Variants in GCN1 observed in about 807,000 individuals in gnomAD.
The protein encoded by GCN1 is GCN1 activator of EIF2AK4.
GCN1 carries 90 observed loss-of-function variants against 288.4 expected under a neutral mutation model. The ratio of observed to expected loss-of-function variants is 0.31; its 90% CI spans 0.26 to 0.37. The LOEUF (loss-of-function observed/expected upper bound fraction) is 0.37. Ranked by LOEUF, GCN1 falls within the 10% of genes least tolerant of loss-of-function variation. The pLI is 1.00. For missense variants in GCN1, 2,586 were observed against 3,419.9 expected, an observed-to-expected ratio of 0.76 and a Z score of 6.08; for synonymous variants, 1,386 against 1,420.2, an observed-to-expected ratio of 0.98 and a Z score of 0.54.
chr12:120,161,456 C>A, intron 22 of GCN1, 34 bp downstream of exon 22: 4 of 1,443,142 alleles, frequency 2.8e-6, no homozygotes, highest in Non-Finnish European at 3.9e-6. Context: ...CCAAGCTCAG[C>A]AGCCACCTTC....
Position 120,142,140 on chromosome 12 carries a change from C to T in GCN1, c.5829+367G>A, listed in dbSNP as rs1173206056. ...AGGAGATCGAGACCGTCCTGGCTAA[C>T]GTGCTGAAACCCCGTCTCTACTAAA... On this transcript the variant is annotated intron_variant, in intron 44 of 57. Coordinates refer to ENST00000300648, the MANE Select transcript of GCN1 (RefSeq NM_006836.2). This position sits in a 1 kb window ranked among gnomAD's most constrained non-coding sequence, Gnocchi z 4.9. Among the ~76,000 whole-genome samples the T allele has an allele frequency of 3.3e-5, 5 of 152,118 alleles. No homozygotes were observed. The highest frequency in any genetic ancestry group is 1.9e-4 in the East Asian group (1 of 5,168).
intron 14 of GCN1, among the ~76,000 whole-genome samples, chr12:120,171,211 A>G (rs939088470): frequency 2.6e-5 from 4 of 152,034 alleles, no homozygotes; most frequent in African/African-American, 9.7e-5. Flanking sequence ...CATGCCTATA[A>G]TCCCAACACT....
chr12:120,150,066 G>A (rs201155453), intron 34 of GCN1, 23 bp from the exon 35 acceptor site: 52 of 1,612,464 alleles, frequency 3.2e-5, no homozygotes, highest in Middle Eastern at 3.6e-4. Flanking sequence ...AAGGTGGGAC[G>A]GCTGGGAAGA....
rs1419624070 is a variant in GCN1, at chr12:120,148,225, C to T, written c.4668G>A (p.Lys1556=). 6.2e-7 allele frequency: 1 copy of T among 1,613,914 alleles called. No homozygotes were observed. The highest frequency in any genetic ancestry group is 8.5e-7 in the Non-Finnish European group (1 of 1,179,918). The part of the protein sequence containing the change: ...VLTDSHVKVQ[K]AGQQALRQIG... The stretch of plus-strand genomic sequence containing the variant: ...TCTGCCTGAGCGCCTGCTGTCCAGC[C>T]TTCTGGACTTTGACATGGGAGTCGG... The change falls in exon 37 of 58, where the codon AAG becomes AAA. Residue 1556 remains lysine (K), a synonymous_variant. Coordinates refer to ENST00000300648, the MANE Select transcript of GCN1 (RefSeq NM_006836.2).
intron 47 of GCN1, 109 bp from the exon 48 acceptor site, chr12:120,138,153 G>T: frequency 9.4e-7 from 1 of 1,063,062 alleles, no homozygotes; most frequent in Non-Finnish European, 1.4e-6. Context: ...TCAGAGCCAA[G>T]CATCTACTCC....
intron 53 of GCN1, among the ~76,000 whole-genome samples, chr12:120,133,795 G>A (rs1299196958): frequency 6.6e-6 from 1 of 152,202 alleles, no homozygotes; most frequent in Non-Finnish European, 1.5e-5. Context: ...CCGGCCGGGC[G>A]CGGTGGCTCA....
At chr12:120,149,099 G>C (rs549991567) in intron 36 of GCN1, among the ~76,000 whole-genome samples, 1 of 151,764 alleles carries the variant, frequency 6.6e-6, no homozygotes, top group Non-Finnish European at 1.5e-5. Context: ...AGCTTTCCTG[G>C]GGGGGGAAAA....
rs1877546272 is a variant in GCN1, at chr12:120,151,345, A to G, written c.4109T>C (p.Ile1370Thr). 1 of 1,613,610 alleles carries G rather than the reference A, an allele frequency of 6.2e-7. No homozygotes were observed. The highest frequency in any genetic ancestry group is 1.3e-5 in the African/African-American group (1 of 74,866). ...ASCLPPLVPAIKEDAGGMIQR... is the reference protein window; with the variant it reads ...ASCLPPLVPATKEDAGGMIQR... ...GATCATCCCTCCAGCATCCTCCTTG[A>G]TGGCTGGCACAAGGGGTGGCAAGCA... is the stretch of plus-strand genomic sequence containing the variant. The change falls in exon 34 of 58, where the codon ATC becomes ACC. Residue 1370 changes from isoleucine to threonine, a missense_variant. Transcript: ENST00000300648.
At position 120,160,008 on chromosome 12, in the gene GCN1, C is replaced by A; in HGVS notation, c.2566G>T (p.Glu856Ter). ...ATGTCCAGCAGTCCAAGCGCCGCCTCCAGCTCCCCATCCAGCTGCAAGCAG... is the reference window on the plus strand; with the variant it reads ...ATGTCCAGCAGTCCAAGCGCCGCCTACAGCTCCCCATCCAGCTGCAAGCAG... The part of the protein sequence containing the change: ...RRLQELDGEL[E>*]AALGLLDIIL... Residue 856 changes from glutamate to a stop codon, truncating the protein, a stop_gained, in exon 24 of 58, where the codon GAG (glutamate) becomes TAG (stop). Coordinates refer to ENST00000300648, the MANE Select transcript of GCN1 (RefSeq NM_006836.2). LOFTEE classifies it high-confidence loss of function. 2 of 1,614,146 alleles carry A rather than the reference C, an allele frequency of 1.2e-6. No individual in the cohort carries two copies. Among genetic ancestry groups the A allele is most frequent in the Non-Finnish European group, 1.7e-6 (2 of 1,179,978 alleles).
Position 120,178,620 on chromosome 12 carries a change from C to T in GCN1, c.660+5G>A. Reference sequence around the variant, plus strand: ...AACCCACAGTCACTCTGCCTTGGCACTTGCCTTGTGCTGACTGACCACGTC... The same window carrying T: ...AACCCACAGTCACTCTGCCTTGGCATTTGCCTTGTGCTGACTGACCACGTC... On this transcript the variant is annotated splice_donor_5th_base_variant and intron_variant, in intron 7 of 57. Coordinates refer to ENST00000300648, the MANE Select transcript of GCN1 (RefSeq NM_006836.2). The T allele has an allele frequency of 1.2e-6, 2 of 1,614,208 alleles. No homozygotes were observed. The highest frequency in any genetic ancestry group is 1.7e-6 in the Non-Finnish European group (2 of 1,180,000).
Position 120,131,865 on chromosome 12 carries a change from C to T in GCN1, c.7414+61G>A, listed in dbSNP as rs117668516. The T allele has an allele frequency of 8.4e-4, 852 of 1,018,262 alleles. 3 individuals carry two copies. The highest frequency in any genetic ancestry group is 1.1e-3 in the Non-Finnish European group (746 of 659,414). 63.1% of individuals were successfully genotyped at this position (1,018,262 alleles called of 1,614,324 possible). ...CTGAGGGAGGGAGGGAGATGCCCGT[C>T]GACTCTTCGCTAGGGCTGAGAGGCC... On this transcript the variant is annotated intron_variant, in intron 54 of 57. Coordinates refer to ENST00000300648, the MANE Select transcript of GCN1 (RefSeq NM_006836.2).
chr12:120,156,440 G>A lies in GCN1; in HGVS notation c.3312+21C>T. ...TAGAGTGACAAGGGACACTGCAGTG[G>A]CTCTGAGACTGAGCACACACCCGGA... On this transcript the variant is annotated intron_variant, in intron 28 of 57. Coordinates refer to ENST00000300648, the MANE Select transcript of GCN1 (RefSeq NM_006836.2). The surrounding 1 kb of genome is among the most constrained non-coding windows in gnomAD (Gnocchi z 5.8). The A allele has an allele frequency of 6.2e-7, 1 of 1,610,664 alleles. No homozygotes were observed. The highest frequency in any genetic ancestry group is 2.2e-5 in the East Asian group (1 of 44,812).
chr12:120,131,884 AG>A lies in GCN1; in HGVS notation c.7414+41del, dbSNP rs777590664. 4.7e-6 allele frequency: 6 copies of A among 1,280,212 alleles called. No individual in the cohort carries two copies. In the East Asian group the frequency reaches 9.7e-5, roughly 21 times the overall value. 79.3% of individuals were successfully genotyped at this position (1,280,212 alleles called of 1,614,324 possible). ...GCCCGTCGACTCTTCGCTAGGGCTG[AG>A]AGGCCCAGGTCCCTGAAGGGGAACT... On this transcript the variant is annotated intron_variant, in intron 54 of 57. Transcript: ENST00000300648.
At chr12:120,186,972 C>T (rs533359115) in intron 2 of GCN1, among the ~76,000 whole-genome samples, 4 of 152,300 alleles carry the variant, frequency 2.6e-5, no homozygotes, top group Admixed American at 2.6e-4. Flanking sequence ...CCTTTTCTAA[C>T]TAGAGGGCTC....
chr12:120,192,290 A>G (rs1478330328), intron 1 of GCN1, among the ~76,000 whole-genome samples: 1 of 152,224 alleles, frequency 6.6e-6, no homozygotes, highest in African/African-American at 2.4e-5. Context: ...GTGATCCTCT[A>G]CAGCTGGGGC....
At position 120,148,287 on chromosome 12, in the gene GCN1, G is replaced by A. The variant is rs772366408; in HGVS notation, c.4606C>T (p.Leu1536=). Residue 1536 remains leucine, a synonymous_variant, in exon 37 of 58, where the codon CTA becomes TTA. Coordinates refer to ENST00000300648, the MANE Select transcript of GCN1 (RefSeq NM_006836.2). ...GTAAGCTTGGGCACAATGTTGGGTA[G>A]ACAGGATGACAGCTGCTTAGGAGCA... ...YCAPKQLSSC[L]PNIVPKLTEV... 6.2e-7 allele frequency: 1 copy of A among 1,614,096 alleles called. No homozygotes were observed. The highest frequency in any genetic ancestry group is 8.5e-7 in the Non-Finnish European group (1 of 1,179,934).
rs559956688 is a variant in GCN1, at chr12:120,165,627, C to G, written c.1613-906G>C. Among the ~76,000 whole-genome samples the G allele has an allele frequency of 3.3e-5, 5 of 151,792 alleles. No homozygotes were observed. The East Asian group carries it at 9.7e-4, about 29-fold the overall frequency. On this transcript the variant is annotated intron_variant, in intron 16 of 57. Coordinates refer to ENST00000300648, the MANE Select transcript of GCN1 (RefSeq NM_006836.2). ...GGATTACAGAAGCCCACCAGCAAGCCTGGCTAATTTTTTTTTTTCTATTTT... is the reference window on the plus strand; with the variant it reads ...GGATTACAGAAGCCCACCAGCAAGCGTGGCTAATTTTTTTTTTTCTATTTT...
intron 33 of GCN1, among the ~76,000 whole-genome samples, chr12:120,151,622 G>C (rs1172829931): frequency 6.6e-6 from 1 of 152,216 alleles, no homozygotes; most frequent in Admixed American, 6.5e-5. Context: ...GGCCCATATG[G>C]TGCCATTTCT....
In GCN1 at chr12:120,178,832, A is replaced by G. The variant is rs1878560435; in HGVS notation, c.525+20T>C. On this transcript the variant is annotated intron_variant, in intron 6 of 57. Coordinates refer to ENST00000300648, the MANE Select transcript of GCN1 (RefSeq NM_006836.2). ...TGGCATGGAAGAAGCAATGCCCACCAGCCCCTGCAGTCCTGTCACCTCTTT... is the reference window on the plus strand; with the variant it reads ...TGGCATGGAAGAAGCAATGCCCACCGGCCCCTGCAGTCCTGTCACCTCTTT... 6.2e-7 allele frequency: 1 copy of G among 1,613,054 alleles called. No homozygotes were observed. The highest frequency in any genetic ancestry group is 1.7e-5 in the Admixed American group (1 of 60,020).
Sources: gnomAD v4.1 joint callset for allele counts (sites outside exome capture counted in the v4.1 genomes callset) on GRCh38, gnomAD v4.1.1 for gene constraint, Gnocchi (gnomAD v3.1) non-coding constraint, MANE v1.5 for transcripts, NCBI Gene and HGNC (gene_info 2026-07-23, HGNC 2026-07-21) for gene names.